CD2AP: variants seen among roughly 807,000 people sequenced by gnomAD.
CD2AP encodes CD2-associated protein.
A neutral mutation model predicts 85.1 loss-of-function variants in CD2AP; 46 were observed. That is an observed-to-expected ratio of 0.54 (90% CI 0.43 to 0.69). The LOEUF is 0.69. Among genes scored for constraint, CD2AP ranks in the 30% least tolerant of loss-of-function variants. CD2AP has a pLI of 0.00. For missense variants in CD2AP, 769 were observed against 729.5 expected, an observed-to-expected ratio of 1.05 and a Z score of -0.62; for synonymous variants, 255 against 252.9, an observed-to-expected ratio of 1.01 and a Z score of -0.08.
intron 2 of CD2AP, among the ~76,000 whole-genome samples, chr6:47,525,123 T>TA (rs1214399553): frequency 6.6e-6 from 1 of 152,134 alleles, no homozygotes; most frequent in Non-Finnish European, 1.5e-5. Context: ...TTTGTTAGGT[T>TA]AAAATCTAAA....
chr6:47,622,333 C>A (rs531638404), intron 17 of CD2AP, among the ~76,000 whole-genome samples: 2 of 152,278 alleles, frequency 1.3e-5, no homozygotes, highest in East Asian at 1.9e-4. Context: ...GATTTGCCGC[C>A]CTACCCAGAG....
chr6:47,537,909 C>T (rs1767096959), intron 3 of CD2AP, among the ~76,000 whole-genome samples: 1 of 151,746 alleles, frequency 6.6e-6, no homozygotes, highest in African/African-American at 2.4e-5. Context: ...GCCACTGCAC[C>T]TGGCTAATTT....
rs1769914902 is a variant in CD2AP, at chr6:47,626,572, G to C, written c.*2345G>C. On this transcript the variant is annotated 3_prime_UTR_variant, in exon 18 of 18. Coordinates refer to ENST00000359314, the MANE Select transcript of CD2AP (RefSeq NM_012120.3). ...ACACAGTATCATTAATTTCTGAATT[G>C]TATTTCAGTGTTATTTTTTGTTTGT... The C allele has an allele frequency of 6.6e-6, 1 of 152,286 alleles. No homozygotes were observed. The highest frequency in any genetic ancestry group is 2.1e-4 in the South Asian group (1 of 4,822). 9.4% of individuals were successfully genotyped at this position (152,286 alleles called of 1,614,324 possible). A position where few individuals can be genotyped will look rare whatever the true frequency, so the allele number is the denominator to read the frequency against.
intron 1 of CD2AP, among the ~76,000 whole-genome samples, chr6:47,495,494 C>T (rs1765837384): frequency 6.6e-6 from 1 of 152,180 alleles, no homozygotes. Context: ...TTTCAAGCTA[C>T]CCACTTTGTG....
chr6:47,487,507 G>A (rs1030804889), intron 1 of CD2AP, among the ~76,000 whole-genome samples: 1 of 152,094 alleles, frequency 6.6e-6, no homozygotes, highest in African/African-American at 2.4e-5. Context: ...TGGCTAACAC[G>A]GAGAAACCCC....
chr6:47,539,908 G>A (rs2114036584), intron 3 of CD2AP, among the ~76,000 whole-genome samples: 1 of 152,056 alleles, frequency 6.6e-6, no homozygotes, highest in East Asian at 1.9e-4. Context: ...GCTGAGTGTG[G>A]TGGCTCACAC....
intron 11 of CD2AP, among the ~76,000 whole-genome samples, chr6:47,589,183 C>T (rs952465672): frequency 1.3e-5 from 2 of 151,814 alleles, no homozygotes; most frequent in Non-Finnish European, 2.9e-5. Flanking sequence ...GGATTTGATA[C>T]GAAATATTGG....
chr6:47,478,428 G>A (rs1765362028), intron 1 of CD2AP, among the ~76,000 whole-genome samples, 180 bp downstream of exon 1: 2 of 151,350 alleles, frequency 1.3e-5, no homozygotes, highest in African/African-American at 4.8e-5. Flanking sequence ...TTCTCACGGA[G>A]AAACTGGTGG....
chr6:47,596,064 A>T, intron 12 of CD2AP, 38 bp downstream of exon 12: 7 of 1,501,552 alleles, frequency 4.7e-6, no homozygotes, highest in Non-Finnish European at 6.5e-6. Flanking sequence ...TTACTGATTT[A>T]CTCACCTTTG....
chr6:47,615,450 C>T (rs937285648), intron 17 of CD2AP, among the ~76,000 whole-genome samples: 1 of 152,126 alleles, frequency 6.6e-6, no homozygotes, highest in Non-Finnish European at 1.5e-5. Context: ...TGCATCTGCT[C>T]AGCTTCTGGG....
chr6:47,610,972 T>TATATATATATATATATATATACATA (rs1491427733), intron 16 of CD2AP, among the ~76,000 whole-genome samples: 1 of 56,362 alleles, frequency 1.8e-5, no homozygotes, highest in South Asian at 6.1e-4. Flanking sequence ...TATATATGTA[T>TATATATATATATATATATATACATA]TTTTTTTTTT....
At chr6:47,548,290 A>C (rs1217779684) in intron 4 of CD2AP, among the ~76,000 whole-genome samples, 1 of 152,160 alleles carries the variant, frequency 6.6e-6, no homozygotes, top group Non-Finnish European at 1.5e-5. Context: ...GATAAATAAG[A>C]TTGATAGACC....
chr6:47,602,874 T>C (rs976869088), intron 13 of CD2AP, among the ~76,000 whole-genome samples: 4 of 151,930 alleles, frequency 2.6e-5, no homozygotes, highest in African/African-American at 7.3e-5. Flanking sequence ...CTCTCCAGCC[T>C]GGGTGATAAA....
intron 8 of CD2AP, 67 bp downstream of exon 8, chr6:47,577,170 C>T (rs1340099139): frequency 2.3e-6 from 2 of 858,798 alleles, no homozygotes; most frequent in African/African-American, 1.7e-5. Context: ...AAAAGTTATA[C>T]ATTCACCCTA....
At chr6:47,565,223 T>G (rs1179021697) in intron 5 of CD2AP, among the ~76,000 whole-genome samples, 1 of 152,172 alleles carries the variant, frequency 6.6e-6, no homozygotes, top group South Asian at 2.1e-4. Context: ...TGTTACTGAG[T>G]GGTTTCTATA....
chr6:47,596,884 G>A (rs1768966394), intron 12 of CD2AP, among the ~76,000 whole-genome samples: 1 of 151,900 alleles, frequency 6.6e-6, no homozygotes, highest in Non-Finnish European at 1.5e-5. Flanking sequence ...CCAGCAGTGT[G>A]CAAGGGTTCC....
intron 17 of CD2AP, among the ~76,000 whole-genome samples, chr6:47,622,009 G>T (rs1395369687): frequency 6.6e-6 from 1 of 152,190 alleles, no homozygotes; most frequent in Non-Finnish European, 1.5e-5. Context: ...TTCTTGGGCG[G>T]GTCTTGCTGT....
At chr6:47,546,644 G>A (rs1239710758) in intron 4 of CD2AP, among the ~76,000 whole-genome samples, 2 of 151,990 alleles carry the variant, frequency 1.3e-5, no homozygotes, top group East Asian at 3.8e-4. Context: ...GGCCTTGCCA[G>A]AGACCTAGAC....
At chr6:47,587,771 A>T (rs4711885) in intron 11 of CD2AP, among the ~76,000 whole-genome samples, 150,764 of 152,280 alleles carry the variant, frequency 0.99, 74,649 homozygotes, top group Middle Eastern at 1. Context: ...TAAAATCACT[A>T]AAATGGTAAC....
Sources: allele counts gnomAD v4.1 joint callset (sites outside exome capture counted in the v4.1 genomes callset), GRCh38; gene constraint gnomAD v4.1.1; transcripts MANE v1.5; gene names NCBI Gene and HGNC (gene_info 2026-07-23, HGNC 2026-07-21).